Variants in LMF1 observed in about 807,000 individuals in gnomAD.
LMF1 encodes the protein transmembrane protein 112.
A neutral mutation model predicts 60.6 loss-of-function variants in LMF1; 68 were observed. The observed-to-expected ratio is 1.12, with a 90% confidence interval of 0.92 to 1.37. The LOEUF is 1.37. LMF1 is among the 40% of genes most tolerant of loss of function. The pLI is 0.00. For missense variants in LMF1, 948 were observed against 767.2 expected, an observed-to-expected ratio of 1.24 and a Z score of -2.78; for synonymous variants, 418 against 324.7, an observed-to-expected ratio of 1.29 and a Z score of -3.09.
intron 3 of LMF1, among the ~76,000 whole-genome samples, chr16:923,103 A>G (rs200244539): frequency 7.1e-4 from 74 of 104,840 alleles, no homozygotes; most frequent in East Asian, 3.7e-3. Flanking sequence ...CCTGTGTGAA[A>G]GTCGCCTGGG....
chr16:862,317 T>G (rs1348072208), intron 10 of LMF1, among the ~76,000 whole-genome samples: 1 of 152,068 alleles, frequency 6.6e-6, no homozygotes, highest in Non-Finnish European at 1.5e-5. Flanking sequence ...CTAATTTTTG[T>G]ATTTTTAGCA....
In LMF1 at chr16:932,821, C is replaced by A. The variant is rs452487; in HGVS notation, c.514+1423G>T. ...GTGGGCATTTTGATACTGAATGTATCCTGGCGCACTGCGGGGGAGGCCCAG... is the reference window on the plus strand; with the variant it reads ...GTGGGCATTTTGATACTGAATGTATACTGGCGCACTGCGGGGGAGGCCCAG... On this transcript the variant is annotated intron_variant, in intron 3 of 10. Coordinates refer to ENST00000262301, the MANE Select transcript of LMF1 (RefSeq NM_022773.4). Among the ~76,000 whole-genome samples the A allele has an allele frequency of 4.0e-3, 609 of 152,256 alleles. 1 individual carries two copies. The highest frequency in any genetic ancestry group is 7.5e-3 in the Non-Finnish European group (508 of 68,030).
chr16:860,186 T>TA (rs1482386845), intron 10 of LMF1, among the ~76,000 whole-genome samples: 2 of 132,260 alleles, frequency 1.5e-5, no homozygotes, highest in Non-Finnish European at 3.2e-5. Context: ...GTCTGTAGCT[T>TA]AAAAATTATC....
intron 3 of LMF1, among the ~76,000 whole-genome samples, chr16:919,152 G>A (rs893006659): frequency 6.6e-6 from 1 of 152,066 alleles, no homozygotes; most frequent in African/African-American, 2.4e-5. Context: ...GTTTTCACTC[G>A]CGGCTTTTCC....
intron 10 of LMF1, among the ~76,000 whole-genome samples, chr16:868,254 G>A (rs932118744): frequency 6.6e-6 from 1 of 152,094 alleles, no homozygotes; most frequent in South Asian, 2.1e-4. Flanking sequence ...CCCCAGCGGG[G>A]CCCCATCCCT....
chr16:867,936 C>A (rs1014990863), intron 10 of LMF1, among the ~76,000 whole-genome samples: 2 of 152,184 alleles, frequency 1.3e-5, no homozygotes, highest in Non-Finnish European at 2.9e-5. Flanking sequence ...GCTGGGGTCT[C>A]CAGGCAGCTG....
intron 3 of LMF1, among the ~76,000 whole-genome samples, chr16:926,224 C>T (rs905861167): frequency 2.0e-5 from 3 of 151,962 alleles, no homozygotes; most frequent in Non-Finnish European, 4.4e-5. Context: ...CGCGTGTGCA[C>T]GTTTGCATAT....
chr16:939,259 C>T (rs1251203137), intron 2 of LMF1, among the ~76,000 whole-genome samples: 5 of 152,140 alleles, frequency 3.3e-5, no homozygotes, highest in African/African-American at 4.8e-5. Context: ...ACGCTGTCCC[C>T]GCCGTGAGCA....
At chr16:895,703 G>T (rs1412294030) in intron 4 of LMF1, among the ~76,000 whole-genome samples, 1 of 152,192 alleles carries the variant, frequency 6.6e-6, no homozygotes. Context: ...TGCCGAGAGG[G>T]ACACGAATGA....
At chr16:959,919 G>A (rs2072788542) in intron 1 of LMF1, among the ~76,000 whole-genome samples, 1 of 152,204 alleles carries the variant, frequency 6.6e-6, no homozygotes. Flanking sequence ...TGCCAGGTGA[G>A]AGTCAGAGTC....
chr16:880,961 C>A (rs537871621), intron 5 of LMF1, among the ~76,000 whole-genome samples: 1 of 152,188 alleles, frequency 6.6e-6, no homozygotes, highest in African/African-American at 2.4e-5. Context: ...AGCCATTGGG[C>A]CTGGCACAGC....
rs550114018 is a variant in LMF1, at chr16:907,217, C to T, written c.663+3714G>A. ...GAGGTCGAGACCATCCCGGCTAACA[C>T]GGTGAAACCTAGTCTCTACTAAAAA... On this transcript the variant is annotated intron_variant, in intron 4 of 10. Transcript: ENST00000262301. Among the ~76,000 whole-genome samples the T allele has an allele frequency of 1.1e-4, 16 of 152,112 alleles. 1 individual carries two copies. The South Asian group carries it at 1.5e-3, about 14-fold the overall frequency.
intron 1 of LMF1, chr16:980,483 G>C (rs2073318974): frequency 1.3e-5 from 2 of 152,224 alleles, no homozygotes; most frequent in Non-Finnish European, 2.9e-5. Flanking sequence ...GGGAGACCGC[G>C]TGGCTCAGTG....
At chr16:939,342 A>G (rs1216076445) in intron 2 of LMF1, among the ~76,000 whole-genome samples, 3 of 152,230 alleles carry the variant, frequency 2.0e-5, no homozygotes, top group Non-Finnish European at 4.4e-5. Context: ...CTCAGGAGCT[A>G]GTTCACACAG....
At chr16:864,029 T>C (rs543315761) in intron 10 of LMF1, among the ~76,000 whole-genome samples, 91 of 152,346 alleles carry the variant, frequency 6.0e-4, no homozygotes, top group Non-Finnish European at 3.5e-4. Context: ...ATTCTACCTA[T>C]TGTTGAAAGA....
At chr16:862,525 C>T (rs1596842271) in intron 10 of LMF1, among the ~76,000 whole-genome samples, 1 of 152,078 alleles carries the variant, frequency 6.6e-6, no homozygotes, top group East Asian at 1.9e-4. Context: ...CTTGTATTAT[C>T]TTTGTGTGGT....
intron 2 of LMF1, among the ~76,000 whole-genome samples, chr16:936,452 A>G: frequency 7.5e-6 from 1 of 134,210 alleles, no homozygotes; most frequent in Non-Finnish European, 1.6e-5. Flanking sequence ...GCTGGGAGGG[A>G]GGGAGGGCAC....
At chr16:904,406 C>T (rs1177446359) in intron 4 of LMF1, among the ~76,000 whole-genome samples, 13 of 114,980 alleles carry the variant, frequency 1.1e-4, no homozygotes, top group Admixed American at 3.6e-4. Flanking sequence ...GCCCACAGGA[C>T]GCCTGTCTCT....
At chr16:896,397 G>A (rs1359847163) in intron 4 of LMF1, among the ~76,000 whole-genome samples, 2 of 152,324 alleles carry the variant, frequency 1.3e-5, no homozygotes, top group Admixed American at 6.5e-5. Flanking sequence ...TGCCCCCAAC[G>A]ACAGGGAGGG....
Sources: gnomAD v4.1 joint callset for allele counts (sites outside exome capture counted in the v4.1 genomes callset) on GRCh38, gnomAD v4.1.1 for gene constraint, MANE v1.5 for transcripts, NCBI Gene and HGNC (gene_info 2026-07-23, HGNC 2026-07-21) for gene names.